The following TRIP11 variants were observed in gnomAD, a reference collection of about 807,000 sequenced individuals.
TRIP11 encodes the protein thyroid hormone receptor interactor 11.
A neutral mutation model predicts 223.1 loss-of-function variants in TRIP11; 148 were observed. The ratio of observed to expected loss-of-function variants is 0.66; its 90% confidence interval spans 0.58 to 0.76. The LOEUF (loss-of-function observed/expected upper bound fraction) is 0.76. TRIP11 is among the 30% of genes least tolerant of loss of function. The pLI is 0.00. For missense variants in TRIP11, 2,043 were observed against 2,222.0 expected (o/e 0.92, Z 1.62); for synonymous variants, 762 against 772.6 (o/e 0.99, Z 0.23).
chr14:92,006,359 T>C lies in TRIP11; in HGVS notation c.1617A>G (p.Glu539=), dbSNP rs765619995. The change falls in exon 11 of 21, where the codon GAA becomes GAG. Residue 539 remains glutamate (E), a synonymous_variant. Transcript: ENST00000267622. ...CTTCAAGTTGATGAACTCTCTTTTT[T>C]TCATCATTTAGATCTTGTTTCAGTT... is the stretch of plus-strand genomic sequence containing the variant. ...ISKLKQDLND[E]KKRVHQLEDD... is the part of the protein sequence containing the mutation. 1.9e-6 allele frequency: 3 copies of C among 1,612,356 alleles called. No homozygotes were observed. Among genetic ancestry groups the C allele is most frequent in the Non-Finnish European group, 2.5e-6 (3 of 1,179,282 alleles).
At position 92,014,219 on chromosome 14, in the gene TRIP11, CA is replaced by C; in HGVS notation, c.1181del (p.Leu394ArgfsTer8). On this transcript the variant is annotated frameshift_variant, in exon 7 of 21. Coordinates refer to ENST00000267622, the MANE Select transcript of TRIP11 (RefSeq NM_004239.4). LOFTEE classifies it high-confidence loss of function. ...TAAGTTCCAAAGACTGTATACCAGACAGTGCTTGTTGTAGTCTGAACACTTC... is the reference window on the plus strand; with the variant it reads ...TAAGTTCCAAAGACTGTATACCAGACGTGCTTGTTGTAGTCTGAACACTTC... ...VEEVFRLQQA[L>X]SDAENEIMRL... 1 of 1,614,014 alleles carries C rather than the reference CA, an allele frequency of 6.2e-7. No homozygotes were observed. Among genetic ancestry groups the C allele is most frequent in the Non-Finnish European group, 8.5e-7 (1 of 1,179,972 alleles).
At chr14:92,002,514 AT>A (rs1171786728) in intron 11 of TRIP11, among the ~76,000 whole-genome samples, 1 of 151,984 alleles carries the variant, frequency 6.6e-6, no homozygotes, top group Non-Finnish European at 1.5e-5. Flanking sequence ...ACATTTTCTT[AT>A]TATTTTAAAA....
At chr14:92,036,247 T>C (rs969625421) in intron 1 of TRIP11, among the ~76,000 whole-genome samples, 1 of 152,204 alleles carries the variant, frequency 6.6e-6, no homozygotes, top group African/African-American at 2.4e-5. Flanking sequence ...CAAGAAAAAC[T>C]TGGCCTTTTT....
intron 16 of TRIP11, 138 bp from the exon 17 acceptor site, chr14:91,976,327 C>G (rs930563696): frequency 1.3e-6 from 1 of 787,122 alleles, no homozygotes; most frequent in Non-Finnish European, 2.1e-6. Flanking sequence ...TCAATAACTT[C>G]TATCTCTTCT....
chr14:92,011,633 A>T, intron 8 of TRIP11, 122 bp downstream of exon 8: 1 of 778,526 alleles, frequency 1.3e-6, no homozygotes, highest in Non-Finnish European at 2.1e-6. Context: ...AATAACTTCT[A>T]ATTATTAGAA....
intron 16 of TRIP11, among the ~76,000 whole-genome samples, chr14:91,985,393 A>C (rs781563362): frequency 1.1e-4 from 16 of 145,670 alleles, no homozygotes; most frequent in Non-Finnish European, 6.0e-5. Flanking sequence ...CTCTTAATTC[A>C]TAAGCACAGA....
Position 91,982,939 on chromosome 14 carries a change from T to C in TRIP11, c.5260+5345A>G, listed in dbSNP as rs527816425. Among the ~76,000 whole-genome samples, 3 of 152,262 alleles carry C rather than the reference T, an allele frequency of 2.0e-5. No homozygotes were observed. In the East Asian group the frequency reaches 5.8e-4, roughly 29 times the overall value. On this transcript the variant is annotated intron_variant, in intron 16 of 20. Transcript: ENST00000267622. ...ACTCCAACACATGCATGTGCACACA[T>C]ACCCACCACCCTTGGTCATTACTAG...
At position 91,978,485 on chromosome 14, in the gene TRIP11, C is replaced by T. The variant is rs867867652; in HGVS notation, c.5261-2296G>A. On this transcript the variant is annotated intron_variant, in intron 16 of 20. Coordinates refer to ENST00000267622, the MANE Select transcript of TRIP11 (RefSeq NM_004239.4). This position sits in a 1 kb window ranked among gnomAD's most constrained non-coding sequence, Gnocchi z 4.4. ...ATGTCTATATAATAATTTGGTTATA[C>T]TGGGTTATATATAAAATATATATGT... is the stretch of plus-strand genomic sequence containing the variant. Among the ~76,000 whole-genome samples, 20 of 151,976 alleles carry T rather than the reference C, an allele frequency of 1.3e-4. No individual in the cohort carries two copies. The highest frequency in any genetic ancestry group is 4.8e-4 in the African/African-American group (20 of 41,350).
intron 2 of TRIP11, among the ~76,000 whole-genome samples, chr14:92,025,836 T>C (rs577519824): frequency 1.4e-5 from 2 of 147,554 alleles, no homozygotes; most frequent in Non-Finnish European, 3.0e-5. Flanking sequence ...GCCGAGATCA[T>C]GCCATTGCAT....
At chr14:92,029,655 A>C (rs2057238710) in intron 2 of TRIP11, among the ~76,000 whole-genome samples, 1 of 151,988 alleles carries the variant, frequency 6.6e-6, no homozygotes, top group Non-Finnish European at 1.5e-5. Context: ...TACAGACACC[A>C]CTTTTTGTAG....
chr14:91,973,044 G>C (rs1326241295), intron 19 of TRIP11, among the ~76,000 whole-genome samples, 183 bp from the exon 20 acceptor site: 2 of 51,442 alleles, frequency 3.9e-5, no homozygotes, highest in Non-Finnish European at 7.7e-5. Context: ...TTTTTTTTTT[G>C]AGACGGTGTC....
chr14:91,973,755 A>T (rs138517410), intron 19 of TRIP11, among the ~76,000 whole-genome samples: 165 of 152,282 alleles, frequency 1.1e-3, no homozygotes, highest in African/African-American at 3.9e-3. Context: ...GGCCGGGCAC[A>T]GTGGCTCACG....
intron 16 of TRIP11, among the ~76,000 whole-genome samples, chr14:91,977,983 G>A (rs751084195): frequency 2.0e-5 from 3 of 152,032 alleles, no homozygotes; most frequent in Non-Finnish European, 4.4e-5. Context: ...AATCTACTAC[G>A]AACTTTTCCT....
chr14:91,980,122 T>C (rs2056518825), intron 16 of TRIP11, among the ~76,000 whole-genome samples: 1 of 152,206 alleles, frequency 6.6e-6, no homozygotes, highest in Admixed American at 6.5e-5. Flanking sequence ...CTGGAACACC[T>C]AGACATGGTG....
Position 91,969,737 on chromosome 14 carries a change from G to A in TRIP11, c.5876C>T (p.Thr1959Ile), listed in dbSNP as rs1163447261. Residue 1959 changes from threonine (T) to isoleucine (I), a missense_variant, in exon 21 of 21, where the codon ACA becomes ATA. Thr to Ile is a moderately conservative substitution (Grantham distance 89). Transcript: ENST00000267622. ...KPISDVLPTF[T>I]PLPALPDNSA... ...GTTGTCAGGTAACGCTGGCAAAGGT[G>A]TAAATGTGGGCAAAACATCTGAGAT... 1 of 1,613,692 alleles carries A rather than the reference G, an allele frequency of 6.2e-7. No homozygotes were observed. The highest frequency in any genetic ancestry group is 1.7e-5 in the Admixed American group (1 of 60,014).
chr14:91,978,856 G>A lies in TRIP11; in HGVS notation c.5261-2667C>T, dbSNP rs1023457622. 1.8e-4 allele frequency among the ~76,000 whole-genome samples: 27 copies of A among 152,036 alleles called. No individual in the cohort carries two copies. Among genetic ancestry groups the A allele is most frequent in the African/African-American group, 6.5e-4 (27 of 41,378 alleles). ...TATAGCTTTTTACTGTTTTAACATG[G>A]CCACTAAAAAATTTAAAATTGCACG... On this transcript the variant is annotated intron_variant, in intron 16 of 20. Transcript: ENST00000267622. This position sits in a 1 kb window ranked among gnomAD's most constrained non-coding sequence, Gnocchi z 4.4.
At chr14:92,012,626 G>A (rs900607878) in intron 7 of TRIP11, among the ~76,000 whole-genome samples, 1 of 151,980 alleles carries the variant, frequency 6.6e-6, no homozygotes, top group Non-Finnish European at 1.5e-5. Flanking sequence ...ACTGAGAGTC[G>A]GCTAAAAGAG....
At chr14:92,023,402 T>C (rs770505796) in intron 3 of TRIP11, among the ~76,000 whole-genome samples, 1 of 152,248 alleles carries the variant, frequency 6.6e-6, no homozygotes, top group Non-Finnish European at 1.5e-5. Flanking sequence ...ATGTTTCATA[T>C]ACACCTTATA....
intron 4 of TRIP11, among the ~76,000 whole-genome samples, 168 bp downstream of exon 4, chr14:92,021,388 C>CAAAAAAA (rs35038594): frequency 9.1e-6 from 1 of 109,540 alleles, no homozygotes; most frequent in Non-Finnish European, 2.0e-5. Context: ...GATTCTGTCT[C>CAAAAAAA]AAAAAAAAAA....
Sources: gnomAD v4.1 joint callset for allele counts (sites outside exome capture counted in the v4.1 genomes callset) on GRCh38, gnomAD v4.1.1 for gene constraint, Gnocchi (gnomAD v3.1) non-coding constraint, MANE v1.5 for transcripts, NCBI Gene and HGNC (gene_info 2026-07-23, HGNC 2026-07-21) for gene names.